The following STK3 variants were observed in gnomAD, a reference collection of about 807,000 sequenced individuals.
STK3 encodes serine/threonine kinase 3.
STK3 carries 41 observed loss-of-function variants against 58.0 expected under a neutral mutation model. That is an observed-to-expected ratio of 0.71 (90% CI 0.55 to 0.92). STK3 has a LOEUF of 0.92. Among genes scored for constraint, STK3 ranks in the 40% least tolerant of loss-of-function variants. The probability of loss-of-function intolerance (pLI) is 0.00; values close to 1 mark genes in which losing one functional copy is unlikely to be tolerated. For synonymous variants in STK3, 170 were observed against 191.0 expected (o/e 0.89, Z 0.91); for missense variants, 479 against 602.7 (o/e 0.79, Z 2.15).
intron 4 of STK3, chr8:98,721,104 C>T: frequency 1.0e-6 from 1 of 985,256 alleles, no homozygotes; most frequent in Non-Finnish European, 1.2e-6. Flanking sequence ...TTCCTTTCAC[C>T]CTGAGTACAT....
chr8:98,766,696 G>A (rs1342073521), intron 3 of STK3, among the ~76,000 whole-genome samples: 2 of 152,108 alleles, frequency 1.3e-5, no homozygotes, highest in Non-Finnish European at 2.9e-5. Context: ...GATTACAGGC[G>A]TGATCTACCA....
Position 98,580,889 on chromosome 8 carries a change from T to C in STK3, c.823-1100A>G, listed in dbSNP as rs1021487381. 5.3e-5 allele frequency among the ~76,000 whole-genome samples: 8 copies of C among 152,192 alleles called. No homozygotes were observed. The South Asian group carries it at 6.2e-4, about 12-fold the overall frequency. On this transcript the variant is annotated intron_variant, in intron 7 of 10. Coordinates refer to ENST00000419617, the MANE Select transcript of STK3 (RefSeq NM_006281.4). Reference sequence around the variant, plus strand: ...AAGAGGGTTTAAAATGGCAAACATATCATTTGGGACAACTATAAGAAAGAA... The same window carrying C: ...AAGAGGGTTTAAAATGGCAAACATACCATTTGGGACAACTATAAGAAAGAA...
intron 7 of STK3, among the ~76,000 whole-genome samples, chr8:98,590,329 G>GT (rs1554627502): frequency 1.3e-5 from 2 of 152,074 alleles, no homozygotes; most frequent in East Asian, 1.9e-4. Context: ...TTCTTCCACC[G>GT]TAAGAGTTAC....
At chr8:98,396,269 A>G (rs1817896496) in intron 3 of STK3, among the ~76,000 whole-genome samples, 1 of 152,278 alleles carries the variant, frequency 6.6e-6, no homozygotes, top group South Asian at 2.1e-4. Flanking sequence ...GATGTTTTAC[A>G]TAAAATTAAT....
chr8:98,867,377 G>C (rs1434492004), intron 3 of STK3, among the ~76,000 whole-genome samples: 1 of 152,180 alleles, frequency 6.6e-6, no homozygotes, highest in African/African-American at 2.4e-5. Flanking sequence ...TCGCGCCCCT[G>C]CGTTCCAGCC....
At chr8:98,465,195 T>C (rs1294793767) in intron 10 of STK3, among the ~76,000 whole-genome samples, 2 of 152,150 alleles carry the variant, frequency 1.3e-5, no homozygotes, top group Admixed American at 1.3e-4. Flanking sequence ...CCAACCCCGT[T>C]TGACAGGTGA....
At chr8:98,707,570 C>T (rs954544986) in intron 4 of STK3, among the ~76,000 whole-genome samples, 1 of 151,982 alleles carries the variant, frequency 6.6e-6, no homozygotes, top group African/African-American at 2.4e-5. Context: ...AATAGGCTAA[C>T]TTATTTTTAT....
chr8:98,593,128 C>T (rs1318971214), intron 7 of STK3, among the ~76,000 whole-genome samples: 1 of 152,146 alleles, frequency 6.6e-6, no homozygotes, highest in African/African-American at 2.4e-5. Flanking sequence ...AGATCAGGAA[C>T]TCCGGTGCTA....
At chr8:98,824,622 C>T (rs1835133789) in intron 1 of STK3, among the ~76,000 whole-genome samples, 1 of 152,054 alleles carries the variant, frequency 6.6e-6, no homozygotes, top group African/African-American at 2.4e-5. Context: ...TTTTTTTCAC[C>T]TGAACAGATG....
chr8:98,792,676 G>A (rs1016043554), intron 1 of STK3, among the ~76,000 whole-genome samples: 2 of 152,068 alleles, frequency 1.3e-5, no homozygotes, highest in Non-Finnish European at 2.9e-5. Context: ...ACTCCAGCCT[G>A]GGCAACAACA....
intron 6 of STK3, among the ~76,000 whole-genome samples, chr8:98,687,256 T>A (rs533249676): frequency 6.6e-5 from 10 of 152,296 alleles, no homozygotes; most frequent in African/African-American, 1.9e-4. Flanking sequence ...GACGACAAGT[T>A]TTCCATAGAT....
At chr8:98,710,299 A>T (rs560884238) in intron 4 of STK3, among the ~76,000 whole-genome samples, 2 of 152,284 alleles carry the variant, frequency 1.3e-5, no homozygotes, top group Non-Finnish European at 1.5e-5. Flanking sequence ...TGGGTGCAAG[A>T]CAGTGGGTAC....
intron 7 of STK3, among the ~76,000 whole-genome samples, chr8:98,590,683 C>G (rs1487013313): frequency 7.9e-5 from 12 of 152,168 alleles, no homozygotes; most frequent in Non-Finnish European, 2.9e-5. Context: ...AACCCAAATT[C>G]TTTTAAGTAT....
chr8:98,393,705 C>T (rs1817870185), intron 3 of STK3: 2 of 151,876 alleles, frequency 1.3e-5, no homozygotes, highest in Non-Finnish European at 2.9e-5. Flanking sequence ...TTTATATCCT[C>T]TTATCCTCCA....
At position 98,728,216 on chromosome 8, in the gene STK3, C is replaced by T. The variant is rs145200190; in HGVS notation, c.352-20905G>A. Among the ~76,000 whole-genome samples, 99 of 152,066 alleles carry T rather than the reference C, an allele frequency of 6.5e-4. No homozygotes were observed. The East Asian group carries it at 0.017, about 26-fold the overall frequency. On this transcript the variant is annotated intron_variant, in intron 4 of 10. Transcript: ENST00000419617. ...TCACAAATCTATTTCATTCCACCCC[C>T]CTAAAGAAGAGACTTGAAAATATAA... is the stretch of plus-strand genomic sequence containing the variant.
At chr8:98,786,942 G>A (rs754044770) in intron 1 of STK3, among the ~76,000 whole-genome samples, 5 of 152,098 alleles carry the variant, frequency 3.3e-5, no homozygotes, top group East Asian at 1.9e-4. Context: ...AGGCCAAGAC[G>A]GGCAGATCAA....
chr8:98,822,434 A>C (rs557360578), intron 1 of STK3, among the ~76,000 whole-genome samples: 22 of 152,260 alleles, frequency 1.4e-4, no homozygotes, highest in African/African-American at 5.3e-4. Context: ...CCTCAGCCCC[A>C]CAAAGTGCTG....
At chr8:98,754,515 T>C (rs1830172066) in intron 3 of STK3, among the ~76,000 whole-genome samples, 1 of 151,586 alleles carries the variant, frequency 6.6e-6, no homozygotes, top group Non-Finnish European at 1.5e-5. Context: ...TCTCTCTCTC[T>C]CTTTTTTTTT....
intron 1 of STK3, among the ~76,000 whole-genome samples, chr8:98,898,934 A>T (rs994787133): frequency 3.9e-5 from 6 of 152,138 alleles, no homozygotes; most frequent in African/African-American, 1.4e-4. Context: ...CTGTGGACCA[A>T]TCCCCAGTCC....
Sources: allele counts gnomAD v4.1 joint callset (sites outside exome capture counted in the v4.1 genomes callset), GRCh38; gene constraint gnomAD v4.1.1; transcripts MANE v1.5; gene names NCBI Gene and HGNC (gene_info 2026-07-23, HGNC 2026-07-21).